The following PLEKHG4B variants were observed in gnomAD, a reference collection of about 807,000 sequenced individuals.
PLEKHG4B encodes the protein pleckstrin homology domain-containing family G member 4B.
In PLEKHG4B, 111 loss-of-function variants were observed where a neutral mutation model predicts 121.3. That is an observed-to-expected ratio of 0.92 (90% CI 0.78 to 1.07). The LOEUF (loss-of-function observed/expected upper bound fraction) is 1.07. PLEKHG4B is among the 50% of genes least tolerant of loss of function. The pLI, the probability that PLEKHG4B is intolerant of heterozygous loss-of-function variation, is 0.00. For synonymous variants in PLEKHG4B, 738 were observed against 725.0 expected (o/e 1.02, Z -0.29); for missense variants, 1,831 against 1,757.8 (o/e 1.04, Z -0.74).
In PLEKHG4B at chr5:140,352, G is replaced by A; in HGVS notation, c.1113G>A (p.Glu371=). Residue 371 remains glutamate (E), a synonymous_variant, in exon 3 of 20, where the codon GAG becomes GAA. Coordinates refer to ENST00000637938, the MANE Select transcript of PLEKHG4B (RefSeq NM_052909.5). ...RNPMPLGSSE[E]ALGDLACSSL... is the part of the protein sequence containing the mutation. ...CCATGCCCCTGGGCAGCTCTGAGGA[G>A]GCCCTCGGGGACCTGGCCTGCAGCT... 6.4e-7 allele frequency: 1 copy of A among 1,551,718 alleles called. No homozygotes were observed. Among genetic ancestry groups the A allele is most frequent in the Non-Finnish European group, 8.7e-7 (1 of 1,148,764 alleles).
chr5:118,342 T>C (rs1482206578), intron 2 of PLEKHG4B, among the ~76,000 whole-genome samples: 1 of 152,178 alleles, frequency 6.6e-6, no homozygotes, highest in Non-Finnish European at 1.5e-5. Flanking sequence ...GCTTGGGATA[T>C]ACATTAAACA....
intron 18 of PLEKHG4B, chr5:179,850 T>A (rs1297338421): frequency 6.6e-6 from 1 of 152,292 alleles, no homozygotes; most frequent in Non-Finnish European, 1.5e-5. Context: ...CATCTTAAAG[T>A]TCATTGATCT....
At position 159,211 on chromosome 5, in the gene PLEKHG4B, G is replaced by T. The variant is rs1735908944; in HGVS notation, c.2487+2300G>T. Among the ~76,000 whole-genome samples, 1 of 123,642 alleles carries T rather than the reference G, an allele frequency of 8.1e-6. No homozygotes were observed. Among genetic ancestry groups the T allele is most frequent in the Non-Finnish European group, 1.7e-5 (1 of 59,200 alleles). The allele number at this position is 123,642 out of a possible 152,430, so 81.1% of individuals were successfully genotyped here. On this transcript the variant is annotated intron_variant, in intron 11 of 19. Transcript: ENST00000637938. The surrounding 1 kb of genome is among the most constrained non-coding windows in gnomAD (Gnocchi z 5.5). ...AGGTGTGCCTGAGGGTGGCCCAGGTGTGCCTGAGGGTCGCCCAGGTGCACT... is the reference window on the plus strand; with the variant it reads ...AGGTGTGCCTGAGGGTGGCCCAGGTTTGCCTGAGGGTCGCCCAGGTGCACT...
Position 169,508 on chromosome 5 carries a change from C to T in PLEKHG4B, c.3645C>T (p.His1215=), listed in dbSNP as rs369268321. The change falls in exon 14 of 20, where the codon CAC becomes CAT. Residue 1215 remains histidine (H), a synonymous_variant. Coordinates refer to ENST00000637938, the MANE Select transcript of PLEKHG4B (RefSeq NM_052909.5). ...HVIFGNLEKL[H]DFHQQHFLRE... is the part of the protein sequence containing the mutation. ...TTTTCGGCAACTTGGAGAAGCTCCA[C>T]GACTTCCACCAGCAGCACTTCCTCC... is the stretch of plus-strand genomic sequence containing the variant. 31 of 1,614,060 alleles carry T rather than the reference C, an allele frequency of 1.9e-5. No homozygotes were observed. Among genetic ancestry groups the T allele is most frequent in the African/African-American group, 2.7e-5 (2 of 74,960 alleles).
At chr5:166,375 G>A (rs1287124670) in intron 13 of PLEKHG4B, among the ~76,000 whole-genome samples, 3 of 114,478 alleles carry the variant, frequency 2.6e-5, no homozygotes, top group Admixed American at 1.6e-4. Context: ...CTGACGGGGC[G>A]GGGCTCACAG....
rs547602780 is a variant in PLEKHG4B at position 183,760 on chromosome 5, T to C, written c.*1437T>C. On this transcript the variant is annotated 3_prime_UTR_variant, in exon 20 of 20. Coordinates refer to ENST00000637938, the MANE Select transcript of PLEKHG4B (RefSeq NM_052909.5). ...TCACAAAAAAGGTTAAGAAATGACT[T>C]AATGGAAGAGATTCAGAAGACCCAG... 6.6e-6 allele frequency: 1 copy of C among 152,168 alleles called. No individual in the cohort carries two copies. Among genetic ancestry groups the C allele is most frequent in the African/African-American group, 2.4e-5 (1 of 41,464 alleles). The allele number at this position is 152,168 out of a possible 1,614,324, so 9.4% of individuals were successfully genotyped here.
At chr5:155,514 C>A in intron 9 of PLEKHG4B, 71 bp downstream of exon 9, 1 of 1,183,644 alleles carries the variant, frequency 8.4e-7, no homozygotes, top group South Asian at 1.2e-5. Flanking sequence ...GTTAGCCAAA[C>A]TTGAAAATAA....
intron 17 of PLEKHG4B, 148 bp from the exon 18 acceptor site, chr5:173,770 C>A: frequency 2.4e-6 from 2 of 843,782 alleles, no homozygotes; most frequent in Admixed American, 2.5e-5. Flanking sequence ...CACTCGTGAG[C>A]AGTGTGGTCT....
At chr5:122,518 C>G (rs1734499517) in intron 2 of PLEKHG4B, among the ~76,000 whole-genome samples, 2 of 152,138 alleles carry the variant, frequency 1.3e-5, no homozygotes, top group South Asian at 4.2e-4. Context: ...CTCCCAGGTT[C>G]AAGCAGTTCT....
In PLEKHG4B at chr5:163,464, G is replaced by A. The variant is rs1736121200; in HGVS notation, c.3392G>A (p.Ser1131Asn). The A allele has an allele frequency of 6.2e-7, 1 of 1,612,718 alleles. No individual in the cohort carries two copies. ...CTCCCGCTGTGGCAGCATGCCAGGA[G>A]CCCCCCGGTCACTCAGAGCCGGAGT... The part of the protein sequence containing the change: ...KKLPLWQHAR[S>N]PPVTQSRSLS... The change falls in exon 13 of 20, where the codon AGC becomes AAC. Residue 1131 changes from serine (S) to asparagine (N), a missense_variant. Transcript: ENST00000637938.
intron 13 of PLEKHG4B, among the ~76,000 whole-genome samples, chr5:168,398 A>T (rs1409902397): frequency 6.6e-6 from 1 of 152,178 alleles, no homozygotes; most frequent in Non-Finnish European, 1.5e-5. Flanking sequence ...GTACCCCTGA[A>T]GCTGCTCCTT....
rs373541130 is a variant in PLEKHG4B at position 156,980 on chromosome 5, C to T, written c.2487+69C>T. On this transcript the variant is annotated intron_variant, in intron 11 of 19. Transcript: ENST00000637938. This position sits in a 1 kb window ranked among gnomAD's most constrained non-coding sequence, Gnocchi z 4.4. Reference sequence around the variant, plus strand: ...AGGCCAGGCTGGCCAAGGCAACCCTCTCACCTTCACACTGTGTCTTTAGGG... The same window carrying T: ...AGGCCAGGCTGGCCAAGGCAACCCTTTCACCTTCACACTGTGTCTTTAGGG... 3.0e-5 allele frequency: 47 copies of T among 1,566,546 alleles called. 2 individuals are homozygous for T. The African/African-American group carries it at 3.5e-4, about 12-fold the overall frequency.
At chr5:166,565 C>T (rs1198710204) in intron 13 of PLEKHG4B, among the ~76,000 whole-genome samples, 4 of 151,086 alleles carry the variant, frequency 2.6e-5, no homozygotes, top group East Asian at 1.9e-4. Flanking sequence ...AATGCTCTGA[C>T]GGGGCGGGGC....
Position 172,990 on chromosome 5 carries a change from G to A in PLEKHG4B, c.4144G>A (p.Glu1382Lys). The change falls in exon 17 of 20, where the codon GAA (glutamate) becomes AAA (lysine). Residue 1382 changes from glutamate (E) to lysine (K), a missense_variant. By Grantham distance (56) the Glu-to-Lys change is moderately conservative (BLOSUM62 1). Coordinates refer to ENST00000637938, the MANE Select transcript of PLEKHG4B (RefSeq NM_052909.5). ...KKYLRHVFLF[E>K]DLILFSKTQK... is the part of the protein sequence containing the mutation. ...GTATCTGAGGCATGTGTTCCTCTTT[G>A]AAGACCTCATCCTGTTTAGCAAGAC... 6.2e-7 allele frequency: 1 copy of A among 1,614,140 alleles called. No homozygotes were observed. The highest frequency in any genetic ancestry group is 8.5e-7 in the Non-Finnish European group (1 of 1,180,032).
chr5:163,358 AG>A lies in PLEKHG4B; in HGVS notation c.3289del (p.Asp1097ThrfsTer17), dbSNP rs1736112974. The A allele has an allele frequency of 6.2e-7, 1 of 1,613,194 alleles. No homozygotes were observed. Among genetic ancestry groups the A allele is most frequent in the African/African-American group, 1.3e-5 (1 of 74,954 alleles). The part of the protein sequence containing the change: ...FEIPQPDSGP[R>X]DSCQPDHTSV... ...GATACCTCAGCCCGACAGTGGCCCC[AG>A]GGACTCCTGCCAGCCAGACCATACT... On this transcript the variant is annotated frameshift_variant, in exon 13 of 20. Transcript: ENST00000637938. LOFTEE classifies it high-confidence loss of function.
At chr5:180,473 C>A (rs1469084721) in intron 18 of PLEKHG4B, among the ~76,000 whole-genome samples, 1 of 152,216 alleles carries the variant, frequency 6.6e-6, no homozygotes, top group Non-Finnish European at 1.5e-5. Flanking sequence ...CTCTGCTCAT[C>A]GGCCACCAGC....
rs968688218 is a variant in PLEKHG4B at position 169,611 on chromosome 5, G to A, written c.3729+19G>A. Reference sequence around the variant, plus strand: ...GAGACACGTAAGTGCAGGCCATGGCGTGGGTGCCGGGCAACGTGGTGGGTG... The same window carrying A: ...GAGACACGTAAGTGCAGGCCATGGCATGGGTGCCGGGCAACGTGGTGGGTG... On this transcript the variant is annotated intron_variant, in intron 14 of 19. Transcript: ENST00000637938. 1.2e-5 allele frequency: 19 copies of A among 1,609,218 alleles called. No homozygotes were observed. The highest frequency in any genetic ancestry group is 1.1e-4 in the African/African-American group (8 of 74,920).
chr5:170,402 A>G (rs1157017485), intron 14 of PLEKHG4B, among the ~76,000 whole-genome samples: 1 of 152,074 alleles, frequency 6.6e-6, no homozygotes, highest in South Asian at 2.1e-4. Flanking sequence ...TCCCGAGTTC[A>G]AGTGATTCTC....
chr5:109,928 AAC>A (rs1346186531), intron 1 of PLEKHG4B, among the ~76,000 whole-genome samples: 1 of 152,072 alleles, frequency 6.6e-6, no homozygotes, highest in Non-Finnish European at 1.5e-5. Flanking sequence ...CACAATCAGC[AAC>A]ACACGTGCAC....
Sources: allele counts gnomAD v4.1 joint callset (sites outside exome capture counted in the v4.1 genomes callset), GRCh38; gene constraint gnomAD v4.1.1; non-coding constraint Gnocchi (gnomAD v3.1); transcripts MANE v1.5; gene names NCBI Gene and HGNC (gene_info 2026-07-23, HGNC 2026-07-21).